MGAT4C: variants seen among roughly 807,000 people sequenced by gnomAD.
MGAT4C encodes the protein alpha-1,3-mannosyl-glycoprotein 4-beta-N-acetylglucosaminyltransferase C.
In MGAT4C, 19 loss-of-function variants were observed where a neutral mutation model predicts 40.1. The observed-to-expected ratio is 0.47, with a 90% confidence interval of 0.33 to 0.70. The LOEUF is 0.70. MGAT4C is among the 30% of genes least tolerant of loss of function. The probability of loss-of-function intolerance (pLI) is 0.02; values close to 1 mark genes in which losing one functional copy is unlikely to be tolerated. For synonymous variants in MGAT4C, 181 were observed against 187.1 expected, an observed-to-expected ratio of 0.97 and a Z score of 0.27; for missense variants, 491 against 563.2, an observed-to-expected ratio of 0.87 and a Z score of 1.30.
chr12:86,645,088 T>C (rs1428347570), intron 2 of MGAT4C, among the ~76,000 whole-genome samples: 1 of 151,510 alleles, frequency 6.6e-6, no homozygotes, highest in Non-Finnish European at 1.5e-5. Flanking sequence ...CAAAATCATA[T>C]CTATATATTA....
In MGAT4C at chr12:85,973,155, A is replaced by C. The variant is rs1883713179; in HGVS notation, c.*6134T>G. ...TCTGTGCCATACTTTTGGTACCTTC[A>C]TAATAAACGGTAAAGTGAGGGAAAG... On this transcript the variant is annotated 3_prime_UTR_variant, in exon 5 of 5. Transcript: ENST00000611864. 1 of 150,878 alleles carries C rather than the reference A, an allele frequency of 6.6e-6. No individual in the cohort carries two copies. The highest frequency in any genetic ancestry group is 2.1e-4 in the South Asian group (1 of 4,818). 9.3% of individuals were successfully genotyped at this position (150,878 alleles called of 1,614,324 possible).
At chr12:86,268,031 T>C (rs538072066) in intron 4 of MGAT4C, among the ~76,000 whole-genome samples, 9 of 152,152 alleles carry the variant, frequency 5.9e-5, no homozygotes, top group Non-Finnish European at 8.8e-5. Flanking sequence ...AAGTTAGATT[T>C]GAAGTATCAA....
At chr12:86,516,801 T>C (rs558750957) in intron 2 of MGAT4C, among the ~76,000 whole-genome samples, 5 of 152,098 alleles carry the variant, frequency 3.3e-5, no homozygotes, top group African/African-American at 1.2e-4. Flanking sequence ...TTCTCATATA[T>C]GAAGTGCAAA....
At chr12:86,803,299 A>C (rs1249772860) in intron 1 of MGAT4C, among the ~76,000 whole-genome samples, 1 of 151,276 alleles carries the variant, frequency 6.6e-6, no homozygotes, top group African/African-American at 2.4e-5. Flanking sequence ...TTAGACCTAA[A>C]ACCATAAAAA....
chr12:86,180,460 C>T lies in MGAT4C; in HGVS notation c.-57+75779G>A, dbSNP rs754155789. 5.3e-5 allele frequency among the ~76,000 whole-genome samples: 8 copies of T among 152,224 alleles called. No individual in the cohort carries two copies. In the South Asian group the frequency reaches 8.3e-4, roughly 16 times the overall value. The stretch of plus-strand genomic sequence containing the variant: ...TGGTAGATACACAGACAGCTTGCAC[C>T]GTGCACGTGGAAAAGCCTCAGACAC... On this transcript the variant is annotated intron_variant, in intron 1 of 4. Transcript: ENST00000611864.
chr12:86,391,038 A>AT (rs111497403), intron 3 of MGAT4C, among the ~76,000 whole-genome samples: 5 of 151,722 alleles, frequency 3.3e-5, no homozygotes, highest in South Asian at 2.1e-4. Flanking sequence ...GAGTCACTTA[A>AT]TTTTTTTTTC....
intron 2 of MGAT4C, among the ~76,000 whole-genome samples, chr12:86,609,604 C>A (rs553144583): frequency 8.5e-5 from 13 of 152,048 alleles, no homozygotes; most frequent in Middle Eastern, 3.4e-3. Flanking sequence ...GATCTTGGTA[C>A]TTGGGCTAAA....
At chr12:86,608,992 G>A (rs1393830609) in intron 2 of MGAT4C, among the ~76,000 whole-genome samples, 3 of 151,654 alleles carry the variant, frequency 2.0e-5, no homozygotes, top group Admixed American at 2.0e-4. Context: ...AAAGCATAGA[G>A]AATAAAAAAA....
chr12:86,569,644 A>G (rs1960282759), intron 2 of MGAT4C, among the ~76,000 whole-genome samples: 1 of 152,120 alleles, frequency 6.6e-6, no homozygotes, highest in Non-Finnish European at 1.5e-5. Flanking sequence ...TTCTCAAAAC[A>G]CTAAAAATAG....
At chr12:86,052,169 A>T (rs2136971753) in intron 1 of MGAT4C, among the ~76,000 whole-genome samples, 1 of 151,846 alleles carries the variant, frequency 6.6e-6, no homozygotes, top group East Asian at 1.9e-4. Flanking sequence ...ATAAATGTAA[A>T]CTTTGTTTCT....
upstream of MGAT4C, among the ~76,000 whole-genome samples, chr12:86,259,835 C>T: frequency 1.2e-4 from 1 of 8,158 alleles, no homozygotes; most frequent in Non-Finnish European, 2.0e-4. Flanking sequence ...AACTCAGCAC[C>T]CTGACTAGTA....
intron 1 of MGAT4C, among the ~76,000 whole-genome samples, chr12:86,798,682 A>C (rs1465107640): frequency 6.6e-6 from 1 of 151,920 alleles, no homozygotes; most frequent in Non-Finnish European, 1.5e-5. Flanking sequence ...AAATGAATGA[A>C]GTATGCCATT....
At chr12:86,812,179 ATTTAC>A (rs1428783326) in intron 1 of MGAT4C, among the ~76,000 whole-genome samples, 1 of 149,958 alleles carries the variant, frequency 6.7e-6, no homozygotes, top group Non-Finnish European at 1.5e-5. Context: ...GTCTGATTTC[ATTTAC>A]TTTAAATTTA....
At chr12:86,600,823 C>T (rs1033392737) in intron 2 of MGAT4C, among the ~76,000 whole-genome samples, 15 of 152,194 alleles carry the variant, frequency 9.9e-5, no homozygotes, top group African/African-American at 1.4e-4. Flanking sequence ...CTTTGGACTC[C>T]GGCATCCCTG....
chr12:85,960,315 T>C lies in MGAT4C; in HGVS notation c.*18974A>G, dbSNP rs1883044627. ...TCTCATTGAATAAGAGAATCCGAAC[T>C]GGCATCGAGGATATCTAATTTTGGG... On this transcript the variant is annotated 3_prime_UTR_variant, in exon 5 of 5. Transcript: ENST00000611864. The C allele has an allele frequency of 6.6e-6, 1 of 152,038 alleles. No individual in the cohort carries two copies. The highest frequency in any genetic ancestry group is 2.4e-5 in the African/African-American group (1 of 41,440). 9.4% of individuals were successfully genotyped at this position (152,038 alleles called of 1,614,324 possible).
intron 2 of MGAT4C, among the ~76,000 whole-genome samples, chr12:86,653,189 A>C (rs991903760): frequency 6.6e-6 from 1 of 151,942 alleles, no homozygotes; most frequent in Non-Finnish European, 1.5e-5. Context: ...TTGAGTTTTC[A>C]GTGTAGTCAG....
At chr12:86,522,753 T>G (rs1958816924) in intron 2 of MGAT4C, among the ~76,000 whole-genome samples, 1 of 152,166 alleles carries the variant, frequency 6.6e-6, no homozygotes, top group South Asian at 2.1e-4. Context: ...GGTATGCTAT[T>G]TTTTACTGAT....
chr12:86,054,091 T>G (rs9668994), intron 1 of MGAT4C, among the ~76,000 whole-genome samples: 1 of 152,038 alleles, frequency 6.6e-6, no homozygotes, highest in East Asian at 1.9e-4. Context: ...CCACTACTGG[T>G]TACATAATCA....
At chr12:86,040,211 A>G (rs1265097304) in intron 2 of MGAT4C, among the ~76,000 whole-genome samples, 1 of 152,248 alleles carries the variant, frequency 6.6e-6, no homozygotes, top group Admixed American at 6.5e-5. Context: ...CACAGGGGTC[A>G]GGGACCCACT....
Sources: allele counts gnomAD v4.1 joint callset (sites outside exome capture counted in the v4.1 genomes callset), GRCh38; gene constraint gnomAD v4.1.1; transcripts MANE v1.5; gene names NCBI Gene and HGNC (gene_info 2026-07-23, HGNC 2026-07-21).